ADAM12: variants seen among roughly 807,000 people sequenced by gnomAD.
ADAM12 encodes the protein disintegrin and metalloproteinase domain-containing protein 12.
Under a neutral mutation model 106.4 loss-of-function variants are expected in ADAM12, and 70 were observed. The ratio of observed to expected loss-of-function variants is 0.66; its 90% CI spans 0.54 to 0.80. The LOEUF is 0.80. Ranked by LOEUF, ADAM12 falls within the 30% of genes least tolerant of loss-of-function variation. ADAM12 has a pLI of 0.00. For synonymous variants in ADAM12, 420 were observed against 433.5 expected, an observed-to-expected ratio of 0.97 and a Z score of 0.39; for missense variants, 1,010 against 1,171.9, an observed-to-expected ratio of 0.86 and a Z score of 2.02.
intron 3 of ADAM12, among the ~76,000 whole-genome samples, chr10:126,257,990 T>C (rs7096240): frequency 0.45 from 68,271 of 151,990 alleles, 15,990 homozygotes; most frequent in Non-Finnish European, 0.53. Context: ...GGCCTCTCAA[T>C]TTTCACAATG....
intron 2 of ADAM12, among the ~76,000 whole-genome samples, chr10:126,326,561 C>T (rs79732151): frequency 5.6e-4 from 85 of 152,232 alleles, no homozygotes; most frequent in African/African-American, 1.7e-3. Flanking sequence ...AGAGTGTGGA[C>T]GCCTCCCTCT....
intron 4 of ADAM12, among the ~76,000 whole-genome samples, chr10:126,146,134 T>C (rs1308232101): frequency 6.6e-6 from 1 of 152,166 alleles, no homozygotes; most frequent in Non-Finnish European, 1.5e-5. Context: ...GGGCCTGAGC[T>C]GGTGCAGCCA....
intron 4 of ADAM12, among the ~76,000 whole-genome samples, chr10:126,148,448 C>G (rs184944400): frequency 6.6e-6 from 1 of 152,194 alleles, no homozygotes; most frequent in Non-Finnish European, 1.5e-5. Context: ...TAAGGGGCTC[C>G]TGCTGGAAGG....
chr10:126,269,476 C>T (rs891650639), intron 3 of ADAM12, among the ~76,000 whole-genome samples: 1 of 152,066 alleles, frequency 6.6e-6, no homozygotes, highest in Admixed American at 6.6e-5. Flanking sequence ...CTTTTGAGGA[C>T]ACAACAACTA....
chr10:126,029,336 A>G (rs1953934346), intron 21 of ADAM12, among the ~76,000 whole-genome samples: 1 of 152,216 alleles, frequency 6.6e-6, no homozygotes, highest in Admixed American at 6.5e-5. Flanking sequence ...CATGGAATCA[A>G]CCTAAGTGCC....
intron 18 of ADAM12, chr10:126,041,427 C>CTT (rs1554960660): frequency 1.0e-6 from 1 of 985,494 alleles, no homozygotes; most frequent in East Asian, 1.1e-4. Context: ...TTTTAACATT[C>CTT]TTACTTGTTA....
At chr10:126,273,726 G>C (rs1025831466) in intron 3 of ADAM12, among the ~76,000 whole-genome samples, 1 of 152,124 alleles carries the variant, frequency 6.6e-6, no homozygotes, top group Non-Finnish European at 1.5e-5. Context: ...ATTTAGAAAC[G>C]CTGAAACAGA....
At chr10:126,197,359 G>C (rs573184832) in intron 3 of ADAM12, among the ~76,000 whole-genome samples, 2 of 152,320 alleles carry the variant, frequency 1.3e-5, no homozygotes, top group South Asian at 4.1e-4. Flanking sequence ...CATAGAACAA[G>C]CTCGGGATAC....
chr10:126,349,949 G>A (rs1192982295), intron 1 of ADAM12, among the ~76,000 whole-genome samples: 6 of 152,162 alleles, frequency 3.9e-5, no homozygotes, highest in Non-Finnish European at 7.3e-5. Flanking sequence ...AAATGCATAT[G>A]ATTGAAATCT....
chr10:126,120,623 G>A (rs1287148140), intron 5 of ADAM12, among the ~76,000 whole-genome samples: 2 of 151,944 alleles, frequency 1.3e-5, no homozygotes, highest in African/African-American at 4.8e-5. Context: ...GGCAGATAAG[G>A]GAATGTCAGA....
intron 3 of ADAM12, among the ~76,000 whole-genome samples, chr10:126,232,837 G>A (rs1320331281): frequency 6.6e-6 from 1 of 152,152 alleles, no homozygotes; most frequent in Non-Finnish European, 1.5e-5. Flanking sequence ...GGACTAGGGA[G>A]GAAGATAAGG....
At chr10:126,327,334 A>G (rs1425438971) in intron 2 of ADAM12, among the ~76,000 whole-genome samples, 1 of 152,208 alleles carries the variant, frequency 6.6e-6, no homozygotes, top group Non-Finnish European at 1.5e-5. Flanking sequence ...AAAGCCAGAA[A>G]GGATGTGACT....
chr10:126,068,820 T>A (rs1954925986), intron 12 of ADAM12, among the ~76,000 whole-genome samples: 1 of 152,208 alleles, frequency 6.6e-6, no homozygotes, highest in Admixed American at 6.5e-5. Context: ...AATGAAAGCA[T>A]TAGAGAATTC....
intron 18 of ADAM12, chr10:126,041,823 C>T (rs1417026552): frequency 6.7e-6 from 8 of 1,188,104 alleles, no homozygotes; most frequent in Non-Finnish European, 8.4e-6. Context: ...TTTGAGTCCT[C>T]TTCCTCCTTG....
intron 5 of ADAM12, among the ~76,000 whole-genome samples, chr10:126,134,412 T>C (rs1283589802): frequency 6.6e-6 from 1 of 152,206 alleles, no homozygotes; most frequent in African/African-American, 2.4e-5. Context: ...TCTGACTATG[T>C]GTTTACATGC....
chr10:126,152,400 A>G (rs1472633056), intron 4 of ADAM12, among the ~76,000 whole-genome samples: 1 of 151,950 alleles, frequency 6.6e-6, no homozygotes, highest in East Asian at 1.9e-4. Context: ...TTATCACTTT[A>G]TATATTTTGA....
intron 10 of ADAM12, among the ~76,000 whole-genome samples, chr10:126,096,323 T>G (rs989230354): frequency 2.6e-5 from 4 of 152,242 alleles, no homozygotes; most frequent in African/African-American, 9.6e-5. Flanking sequence ...CATGCATCAA[T>G]GATTATAAAC....
intron 1 of ADAM12, among the ~76,000 whole-genome samples, chr10:126,341,675 G>T (rs3847470): frequency 0.077 from 11,729 of 152,190 alleles, 563 homozygotes; most frequent in East Asian, 0.18. Flanking sequence ...GAGAACTAAG[G>T]GACCATAATA....
intron 3 of ADAM12, among the ~76,000 whole-genome samples, chr10:126,225,075 G>A (rs533455470): frequency 2.0e-5 from 3 of 152,356 alleles, no homozygotes; most frequent in East Asian, 3.9e-4. Flanking sequence ...GATCCTCTGA[G>A]CCCACTGTTT....
Sources: gnomAD v4.1 joint callset for allele counts (sites outside exome capture counted in the v4.1 genomes callset) on GRCh38, gnomAD v4.1.1 for gene constraint, MANE v1.5 for transcripts, NCBI Gene and HGNC (gene_info 2026-07-23, HGNC 2026-07-21) for gene names.